Variants in USH2A observed in about 807,000 individuals in gnomAD.
The protein encoded by USH2A is usherin.
USH2A carries 443 observed loss-of-function variants against 538.9 expected under a neutral mutation model. The ratio of observed to expected loss-of-function variants is 0.82; its 90% CI spans 0.76 to 0.89. The LOEUF (loss-of-function observed/expected upper bound fraction) is 0.89, where lower values mean the gene tolerates loss of function less well. Among genes scored for constraint, USH2A ranks in the 40% least tolerant of loss-of-function variants. USH2A has a pLI of 0.00. For synonymous variants in USH2A, 2,413 were observed against 2,273.5 expected, an observed-to-expected ratio of 1.06 and a Z score of -1.75; for missense variants, 6,633 against 6,324.8, an observed-to-expected ratio of 1.05 and a Z score of -1.65.
intron 34 of USH2A, among the ~76,000 whole-genome samples, chr1:215,997,483 C>T (rs561140657): frequency 6.6e-6 from 1 of 152,128 alleles, no homozygotes; most frequent in African/African-American, 2.4e-5. Flanking sequence ...GTGAATTTGC[C>T]TTAGGTCACA....
Position 216,422,041 on chromosome 1 carries a change from G to A in USH2A, c.296C>T (p.Ala99Val). 1 of 1,613,884 alleles carries A rather than the reference G, an allele frequency of 6.2e-7. No individual in the cohort carries two copies. Among genetic ancestry groups the A allele is most frequent in the Non-Finnish European group, 8.5e-7 (1 of 1,179,914 alleles). Residue 99 changes from alanine (A) to valine (V), a missense_variant, in exon 2 of 72, where the codon GCC (alanine) becomes GTC (valine). Coordinates refer to ENST00000307340, the MANE Select transcript of USH2A (RefSeq NM_206933.4). ...PYRSSHPTYT[A>V]LFSAGLSSCI... is the part of the protein sequence containing the mutation. ...GCTACTGAGGCCTGCTGAGAAAAGG[G>A]CAGTGTAGGTAGGGTGTGAAGATCT...
At chr1:216,336,988 G>A (rs1465204158) in intron 4 of USH2A, among the ~76,000 whole-genome samples, 4 of 151,448 alleles carry the variant, frequency 2.6e-5, no homozygotes, top group Admixed American at 6.6e-5. Flanking sequence ...GAACAAGGTA[G>A]AAGTTGAAAG....
chr1:215,875,686 C>T (rs1292312578), intron 43 of USH2A, among the ~76,000 whole-genome samples: 1 of 151,620 alleles, frequency 6.6e-6, no homozygotes, highest in African/African-American at 2.4e-5. Context: ...TGCTGAGTAG[C>T]TCATGGCTAA....
chr1:215,851,948 T>A (rs1664029289), intron 44 of USH2A, among the ~76,000 whole-genome samples: 1 of 152,150 alleles, frequency 6.6e-6, no homozygotes, highest in Non-Finnish European at 1.5e-5. Flanking sequence ...CACATGATCA[T>A]CTCAATCAAT....
intron 47 of USH2A, among the ~76,000 whole-genome samples, chr1:215,824,940 T>C (rs1056216439): frequency 6.6e-6 from 1 of 152,166 alleles, no homozygotes; most frequent in African/African-American, 2.4e-5. Context: ...GGAACTGTCT[T>C]GTCCTCATAT....
chr1:216,119,995 T>A (rs9728039), intron 21 of USH2A, among the ~76,000 whole-genome samples: 3,377 of 152,128 alleles, frequency 0.022, 134 homozygotes, highest in African/African-American at 0.076. Flanking sequence ...TGTTTTTTTT[T>A]ATTGAAAAAG....
intron 21 of USH2A, among the ~76,000 whole-genome samples, chr1:216,127,433 G>A (rs2033277514): frequency 6.6e-6 from 1 of 152,098 alleles, no homozygotes; most frequent in Non-Finnish European, 1.5e-5. Context: ...TCATATATAT[G>A]TATCCATCGA....
chr1:215,973,842 G>T (rs1437540758), intron 35 of USH2A, among the ~76,000 whole-genome samples: 2 of 151,856 alleles, frequency 1.3e-5, no homozygotes, highest in African/African-American at 4.8e-5. Flanking sequence ...AGTGATATTT[G>T]TGACAGTTAA....
intron 61 of USH2A, among the ~76,000 whole-genome samples, chr1:215,693,364 A>G (rs1246748022): frequency 1.3e-5 from 2 of 152,088 alleles, no homozygotes; most frequent in African/African-American, 4.8e-5. Flanking sequence ...GACTTGGTGT[A>G]TCCCATTTCA....
intron 47 of USH2A, among the ~76,000 whole-genome samples, chr1:215,834,370 A>T (rs751037905): frequency 9.9e-5 from 15 of 152,220 alleles, no homozygotes. Flanking sequence ...GTATGTATAC[A>T]ACTGCTAGTA....
At chr1:215,689,773 A>G (rs376843892) in intron 61 of USH2A, among the ~76,000 whole-genome samples, 2 of 152,146 alleles carry the variant, frequency 1.3e-5, no homozygotes, top group African/African-American at 4.8e-5. Flanking sequence ...GAACTCTGCT[A>G]ACAACTTGAA....
At chr1:215,971,456 A>G (rs1271959693) in intron 35 of USH2A, among the ~76,000 whole-genome samples, 1 of 152,084 alleles carries the variant, frequency 6.6e-6, no homozygotes, top group African/African-American at 2.4e-5. Context: ...CAGTGGCCTA[A>G]GTAAAAAATT....
intron 33 of USH2A, among the ~76,000 whole-genome samples, 170 bp from the exon 34 acceptor site, chr1:215,999,228 C>T (rs1005863350): frequency 1.3e-5 from 2 of 152,212 alleles, no homozygotes; most frequent in African/African-American, 4.8e-5. Context: ...AATGCCTATT[C>T]TGAGGGGCAA....
In USH2A at chr1:215,888,712, G is replaced by T. The variant is rs773857989; in HGVS notation, c.7937C>A (p.Pro2646His). The T allele has an allele frequency of 1.9e-6, 3 of 1,614,120 alleles. No individual in the cohort carries two copies. Among genetic ancestry groups the T allele is most frequent in the South Asian group, 2.2e-5 (2 of 91,084 alleles). The stretch of plus-strand genomic sequence containing the variant: ...CACCAAGCCATTGGGGTGGGTAGGG[G>T]GTTGCCAAGATATAATCACAGATGT... The part of the protein sequence containing the change: ...TPTSVIISWQ[P>H]PTHPNGLVEN... The change falls in exon 41 of 72, where the codon CCC becomes CAC. Residue 2646 changes from proline (P) to histidine (H), a missense_variant. Transcript: ENST00000307340.
chr1:215,797,716 T>C (rs1662186435), intron 50 of USH2A, among the ~76,000 whole-genome samples: 1 of 152,126 alleles, frequency 6.6e-6, no homozygotes, highest in African/African-American at 2.4e-5. Context: ...AAAAAGATAT[T>C]TCTTTTAAAA....
In USH2A at chr1:215,746,027, C is replaced by T. The variant is rs115944633; in HGVS notation, c.11390-2692G>A. ...GCTCATGTCAAAGTATATTCAAAGA[C>T]AGGAACAAACATAGTACCGTAGGTC... On this transcript the variant is annotated intron_variant, in intron 58 of 71. Coordinates refer to ENST00000307340, the MANE Select transcript of USH2A (RefSeq NM_206933.4). 8.0e-3 allele frequency among the ~76,000 whole-genome samples: 1,219 copies of T among 152,170 alleles called. 21 individuals carry two copies. The highest frequency in any genetic ancestry group is 0.028 in the African/African-American group (1,153 of 41,536).
rs1661691726 is a variant in USH2A, at chr1:215,782,977, C to T, written c.10388-42G>A. ...TAGACAGGGAAGTTTCTCTTATTTT[C>T]ATTTTTTAACCATCATATTAAAAGT... On this transcript the variant is annotated intron_variant, in intron 52 of 71. Transcript: ENST00000307340. 4 of 1,566,686 alleles carry T rather than the reference C, an allele frequency of 2.6e-6. No homozygotes were observed. The African/African-American group carries it at 4.1e-5, about 16-fold the overall frequency.
At chr1:215,671,382 AG>A in intron 63 of USH2A, 89 bp from the exon 64 acceptor site, 1 of 1,318,134 alleles carries the variant, frequency 7.6e-7, no homozygotes, top group Non-Finnish European at 1.1e-6. Flanking sequence ...TAAAAAAAAA[AG>A]ACAAGCTTAC....
chr1:215,894,099 G>T (rs1210542827), intron 40 of USH2A, among the ~76,000 whole-genome samples: 1 of 152,046 alleles, frequency 6.6e-6, no homozygotes, highest in Non-Finnish European at 1.5e-5. Flanking sequence ...TGTTTGAAAG[G>T]AAAAACATGT....
Sources: gnomAD v4.1 joint callset for allele counts (sites outside exome capture counted in the v4.1 genomes callset) on GRCh38, gnomAD v4.1.1 for gene constraint, MANE v1.5 for transcripts, NCBI Gene and HGNC (gene_info 2026-07-23, HGNC 2026-07-21) for gene names.